Variants in TPD52L1 observed in about 807,000 individuals in gnomAD.
The protein encoded by TPD52L1 is TPD52 like 1.
TPD52L1 carries 18 observed loss-of-function variants against 28.7 expected under a neutral mutation model. The ratio of observed to expected loss-of-function variants is 0.63; its 90% confidence interval spans 0.43 to 0.93. TPD52L1 has a LOEUF of 0.93. TPD52L1 is among the 40% of genes least tolerant of loss of function. The probability of loss-of-function intolerance (pLI) is 0.00; values close to 1 mark genes in which losing one functional copy is unlikely to be tolerated. For missense variants in TPD52L1, 203 were observed against 254.8 expected, an observed-to-expected ratio of 0.80 and a Z score of 1.39; for synonymous variants, 75 against 88.8, an observed-to-expected ratio of 0.84 and a Z score of 0.88.
intron 1 of TPD52L1, among the ~76,000 whole-genome samples, chr6:125,166,539 T>G (rs1790916720): frequency 6.6e-6 from 1 of 152,124 alleles, no homozygotes; most frequent in Non-Finnish European, 1.5e-5. Context: ...GAAGAAAAAC[T>G]TTTTTTCTAC....
intron 1 of TPD52L1, among the ~76,000 whole-genome samples, chr6:125,200,560 C>T (rs1793739190): frequency 6.6e-6 from 1 of 152,176 alleles, no homozygotes; most frequent in South Asian, 2.1e-4. Context: ...ATCATCTTCT[C>T]CCTGTCCAAC....
chr6:125,253,393 G>A (rs1207562929), intron 4 of TPD52L1: 2 of 367,902 alleles, frequency 5.4e-6, no homozygotes, highest in African/African-American at 2.1e-5. Context: ...AGAGACCTAA[G>A]TTGGGCCTGG....
chr6:125,191,214 C>T (rs1049795931), intron 1 of TPD52L1, among the ~76,000 whole-genome samples: 5 of 152,168 alleles, frequency 3.3e-5, no homozygotes, highest in East Asian at 1.9e-4. Flanking sequence ...GTTCCAGCCA[C>T]GCTTTCTTTA....
chr6:125,191,593 T>G (rs1034454316), intron 1 of TPD52L1, among the ~76,000 whole-genome samples: 2 of 152,196 alleles, frequency 1.3e-5, no homozygotes, highest in African/African-American at 4.8e-5. Flanking sequence ...GTTTTCTACT[T>G]GGCTGGCTAT....
Position 125,240,179 on chromosome 6 carries a change from C to T in TPD52L1, c.285-8103C>T, listed in dbSNP as rs1796533330. ...GGATTCTCTGTTCTCTTCCATTGTT[C>T]TACGTGCCTATTTTTATACCAGTAC... On this transcript the variant is annotated intron_variant, in intron 3 of 6. Transcript: ENST00000534000. Among the ~76,000 whole-genome samples, 2 of 152,242 alleles carry T rather than the reference C, an allele frequency of 1.3e-5. 1 individual carries two copies. The highest frequency in any genetic ancestry group is 2.9e-5 in the Non-Finnish European group (2 of 68,006).
chr6:125,237,042 G>A (rs9388411), intron 3 of TPD52L1, among the ~76,000 whole-genome samples: 34,898 of 152,146 alleles, frequency 0.23, 5,092 homozygotes, highest in Admixed American at 0.38. Context: ...CCCTAAGGTA[G>A]GAGGGGGCCT....
intron 6 of TPD52L1, among the ~76,000 whole-genome samples, 193 bp downstream of exon 6, chr6:125,257,351 T>C (rs1422663475): frequency 6.6e-6 from 1 of 152,264 alleles, no homozygotes; most frequent in East Asian, 1.9e-4. Context: ...GTTGTTTGTA[T>C]AAACCATTCA....
chr6:125,217,035 A>G (rs1794937087), intron 1 of TPD52L1, among the ~76,000 whole-genome samples: 1 of 152,230 alleles, frequency 6.6e-6, no homozygotes, highest in Non-Finnish European at 1.5e-5. Context: ...TTTGTTTATT[A>G]AATAATTATA....
At chr6:125,202,559 T>C (rs1793859183) in intron 1 of TPD52L1, among the ~76,000 whole-genome samples, 1 of 151,824 alleles carries the variant, frequency 6.6e-6, no homozygotes, top group African/African-American at 2.4e-5. Context: ...TTTGATGGTG[T>C]GAGAAGAAGG....
intron 3 of TPD52L1, among the ~76,000 whole-genome samples, chr6:125,246,911 T>C (rs1328790088): frequency 6.6e-6 from 1 of 152,004 alleles, no homozygotes; most frequent in African/African-American, 2.4e-5. Flanking sequence ...ATCTAGTTAA[T>C]GTATGTTTTT....
intron 2 of TPD52L1, chr6:125,222,099 T>C (rs1795275821): frequency 6.6e-6 from 1 of 152,258 alleles, no homozygotes; most frequent in Admixed American, 6.5e-5. Flanking sequence ...AAAACAGCTT[T>C]CCTTACTCTT....
Position 125,214,914 on chromosome 6 carries a change from G to A in TPD52L1, c.20-5164G>A, listed in dbSNP as rs540152282. On this transcript the variant is annotated intron_variant, in intron 1 of 6. Transcript: ENST00000534000. ...ACAGATGAGATAATTGAGGTCAAAC[G>A]TACTCTGCTAGTTAATAGCAAACCC... is the stretch of plus-strand genomic sequence containing the variant. 2.9e-4 allele frequency among the ~76,000 whole-genome samples: 44 copies of A among 152,182 alleles called. 1 individual carries two copies. Among genetic ancestry groups the A allele is most frequent in the African/African-American group, 9.2e-4 (38 of 41,524 alleles).
intron 1 of TPD52L1, among the ~76,000 whole-genome samples, chr6:125,168,569 G>C (rs568530551): frequency 1.3e-5 from 2 of 150,710 alleles, no homozygotes; most frequent in East Asian, 3.9e-4. Flanking sequence ...CCAGGCTGGA[G>C]TGCAGTGGCA....
intron 1 of TPD52L1, chr6:125,154,594 G>C (rs550161809): frequency 1.1e-6 from 1 of 949,054 alleles, no homozygotes; most frequent in Non-Finnish European, 1.3e-6. Context: ...CGGGGCCCCC[G>C]GCCGCCCAGC....
intron 3 of TPD52L1, among the ~76,000 whole-genome samples, chr6:125,232,130 A>G (rs1367282737): frequency 6.6e-6 from 1 of 152,240 alleles, no homozygotes; most frequent in Admixed American, 6.5e-5. Context: ...ATTCAACTGC[A>G]TATAGATAAC....
chr6:125,230,481 T>C lies in TPD52L1; in HGVS notation c.284+1215T>C, dbSNP rs528967450. 1.2e-4 allele frequency among the ~76,000 whole-genome samples: 18 copies of C among 152,260 alleles called. 1 individual carries two copies. The South Asian group carries it at 3.7e-3, about 32-fold the overall frequency. On this transcript the variant is annotated intron_variant, in intron 3 of 6. Coordinates refer to ENST00000534000, the MANE Select transcript of TPD52L1 (RefSeq NM_003287.4). ...GAAGGTAAAGATATTGCATTCCTAA[T>C]ACCTAAGTGGGAGTCAATTTTTCTT...
intron 3 of TPD52L1, among the ~76,000 whole-genome samples, chr6:125,238,897 G>T (rs1282601975): frequency 6.6e-6 from 1 of 152,180 alleles, no homozygotes; most frequent in African/African-American, 2.4e-5. Context: ...ATGTAAGCTG[G>T]TTCCATATTT....
intron 1 of TPD52L1, among the ~76,000 whole-genome samples, chr6:125,181,780 T>C (rs1370797895): frequency 2.0e-5 from 3 of 152,214 alleles, no homozygotes; most frequent in Admixed American, 6.5e-5. Context: ...GTGCAAGCCA[T>C]AGATCTTTGG....
chr6:125,191,942 A>G (rs566869600), intron 1 of TPD52L1, among the ~76,000 whole-genome samples: 1 of 152,346 alleles, frequency 6.6e-6, no homozygotes, highest in Admixed American at 6.5e-5. Flanking sequence ...AGCAGAATCT[A>G]AGTAGAATCA....
Sources: gnomAD v4.1 joint callset for allele counts (sites outside exome capture counted in the v4.1 genomes callset) on GRCh38, gnomAD v4.1.1 for gene constraint, MANE v1.5 for transcripts, NCBI Gene and HGNC (gene_info 2026-07-23, HGNC 2026-07-21) for gene names.